The following LIMS1 variants were observed in gnomAD, a reference collection of about 807,000 sequenced individuals.
LIMS1 encodes the protein LIM and senescent cell antigen-like-containing domain protein 1.
LIMS1 carries 18 observed loss-of-function variants against 44.1 expected under a neutral mutation model. That is an observed-to-expected ratio of 0.41 (90% confidence interval 0.28 to 0.61). The LOEUF is 0.61. LIMS1 is among the 20% of genes least tolerant of loss of function. LIMS1 has a pLI of 0.32. For synonymous variants in LIMS1, 93 were observed against 149.1 expected (o/e 0.62, Z 2.74); for missense variants, 201 against 422.0 (o/e 0.48, Z 4.59).
At chr2:108,575,809 GTGT>G (rs1685649693) in intron 1 of LIMS1, among the ~76,000 whole-genome samples, 1 of 152,210 alleles carries the variant, frequency 6.6e-6, no homozygotes, top group Admixed American at 6.5e-5. Flanking sequence ...GTGCGTTTGT[GTGT>G]GTGTGGTATT....
intron 1 of LIMS1, among the ~76,000 whole-genome samples, chr2:108,617,517 T>C (rs1687991233): frequency 6.6e-6 from 1 of 152,200 alleles, no homozygotes; most frequent in Non-Finnish European, 1.5e-5. Context: ...GCTTCAAAAC[T>C]CTGGAGATTT....
At chr2:108,678,172 A>T in intron 8 of LIMS1, 145 bp downstream of exon 8, 1 of 768,202 alleles carries the variant, frequency 1.3e-6, no homozygotes, top group East Asian at 2.7e-5. Flanking sequence ...TTTTCCAAGT[A>T]ATCTGTAGCA....
At chr2:108,608,095 G>A (rs1687372618) in intron 1 of LIMS1, among the ~76,000 whole-genome samples, 1 of 152,096 alleles carries the variant, frequency 6.6e-6, no homozygotes, top group Non-Finnish European at 1.5e-5. Flanking sequence ...AGGTCTCTTG[G>A]TTCAGTTTCC....
intron 2 of LIMS1, among the ~76,000 whole-genome samples, chr2:108,666,019 C>T: frequency 1.4e-5 from 1 of 69,462 alleles, no homozygotes; most frequent in African/African-American, 4.3e-5. Flanking sequence ...CTTCTGTGAC[C>T]AAACGTGTGG....
At chr2:108,595,896 G>A (rs1233124318) in intron 1 of LIMS1, among the ~76,000 whole-genome samples, 6 of 152,126 alleles carry the variant, frequency 3.9e-5, no homozygotes, top group African/African-American at 1.4e-4. Context: ...TACACAAGAA[G>A]TTGCACCTAT....
intron 1 of LIMS1, among the ~76,000 whole-genome samples, chr2:108,637,032 A>G (rs1689305356): frequency 1.3e-5 from 2 of 152,064 alleles, no homozygotes; most frequent in African/African-American, 4.8e-5. Flanking sequence ...CTTTCTGTGT[A>G]CATTTCACAA....
chr2:108,551,606 A>ATATGTATATATATGTATATATG (rs1684709559), intron 1 of LIMS1, among the ~76,000 whole-genome samples: 5 of 139,000 alleles, frequency 3.6e-5, no homozygotes. Context: ...CTATATATAT[A>ATATGTATATATATGTATATATG]TGTATATATA....
At chr2:108,643,259 C>G (rs914659456) in intron 1 of LIMS1, among the ~76,000 whole-genome samples, 1 of 152,146 alleles carries the variant, frequency 6.6e-6, no homozygotes, top group Non-Finnish European at 1.5e-5. Flanking sequence ...AAGATTGGTG[C>G]GGAAGGCAGG....
At chr2:108,591,710 T>C (rs1314253676) in intron 1 of LIMS1, among the ~76,000 whole-genome samples, 2 of 152,088 alleles carry the variant, frequency 1.3e-5, no homozygotes, top group Non-Finnish European at 2.9e-5. Context: ...TCTTCCTGCC[T>C]TGGCCTCTCA....
intron 1 of LIMS1, among the ~76,000 whole-genome samples, chr2:108,628,494 A>G (rs1688705886): frequency 6.6e-6 from 1 of 152,220 alleles, no homozygotes; most frequent in East Asian, 1.9e-4. Flanking sequence ...AAAGCAGTTT[A>G]TTGGATCATT....
At chr2:108,553,675 A>G (rs1312132529) in intron 1 of LIMS1, among the ~76,000 whole-genome samples, 1 of 152,206 alleles carries the variant, frequency 6.6e-6, no homozygotes, top group African/African-American at 2.4e-5. Context: ...GGAAATTCCA[A>G]ATTGCAGGCT....
chr2:108,596,134 G>A (rs1032731941), intron 1 of LIMS1, among the ~76,000 whole-genome samples: 4 of 152,232 alleles, frequency 2.6e-5, no homozygotes, highest in African/African-American at 9.6e-5. Flanking sequence ...GACTTCATGT[G>A]TCCCTGTAGC....
intron 1 of LIMS1, among the ~76,000 whole-genome samples, chr2:108,561,766 G>A (rs1322631248): frequency 4.9e-5 from 7 of 142,688 alleles, no homozygotes; most frequent in South Asian, 2.2e-4. Flanking sequence ...TTTTTGAGGC[G>A]GAGTCTCACT....
chr2:108,602,680 T>A (rs1295852795), intron 1 of LIMS1, among the ~76,000 whole-genome samples: 1 of 152,178 alleles, frequency 6.6e-6, no homozygotes, highest in Non-Finnish European at 1.5e-5. Flanking sequence ...TAATGAATGA[T>A]TGTGTTGTTG....
rs545097980 is a variant in LIMS1 at position 108,544,952 on chromosome 2, C to T, written c.32+10358C>T. On this transcript the variant is annotated intron_variant, in intron 1 of 9. Transcript: ENST00000544547. ...TTTAAACATAACCTCAGCATCACACCTGAAAAAGATGAGTAGTAATTCCTT... is the reference window on the plus strand; with the variant it reads ...TTTAAACATAACCTCAGCATCACACTTGAAAAAGATGAGTAGTAATTCCTT... Among the ~76,000 whole-genome samples the T allele has an allele frequency of 7.2e-5, 11 of 152,272 alleles. No individual in the cohort carries two copies. The East Asian group carries it at 2.1e-3, about 29-fold the overall frequency.
At chr2:108,567,983 A>G (rs538475430) in intron 1 of LIMS1, among the ~76,000 whole-genome samples, 81 of 152,312 alleles carry the variant, frequency 5.3e-4, no homozygotes, top group African/African-American at 1.9e-3. Flanking sequence ...GACCTCTGTC[A>G]CTCACTGATT....
At chr2:108,576,078 T>C (rs1413980217) in intron 1 of LIMS1, among the ~76,000 whole-genome samples, 1 of 152,244 alleles carries the variant, frequency 6.6e-6, no homozygotes, top group African/African-American at 2.4e-5. Flanking sequence ...GTTACTGGGT[T>C]TTCCTACTCA....
chr2:108,577,651 C>G (rs1685718378), intron 1 of LIMS1, among the ~76,000 whole-genome samples: 1 of 152,118 alleles, frequency 6.6e-6, no homozygotes, highest in Non-Finnish European at 1.5e-5. Context: ...TTTTTACATT[C>G]TTAAAATGTA....
At chr2:108,627,536 C>G (rs1688651279) in intron 1 of LIMS1, among the ~76,000 whole-genome samples, 2 of 151,428 alleles carry the variant, frequency 1.3e-5, no homozygotes, top group Non-Finnish European at 2.9e-5. Context: ...AATTAAATCC[C>G]AAAATTTCAA....
Sources: allele counts gnomAD v4.1 joint callset (sites outside exome capture counted in the v4.1 genomes callset), GRCh38; gene constraint gnomAD v4.1.1; transcripts MANE v1.5; gene names NCBI Gene and HGNC (gene_info 2026-07-23, HGNC 2026-07-21).